Variants in DOCK2 observed in about 807,000 individuals in gnomAD.
DOCK2 encodes the protein dedicator of cytokinesis protein 2.
A neutral mutation model predicts 248.9 loss-of-function variants in DOCK2; 87 were observed. The ratio of observed to expected loss-of-function variants is 0.35; its 90% CI spans 0.29 to 0.42. The LOEUF (loss-of-function observed/expected upper bound fraction) is 0.42. Ranked by LOEUF, DOCK2 falls within the 10% of genes least tolerant of loss-of-function variation. The pLI, the probability that DOCK2 is intolerant of heterozygous loss-of-function variation, is 1.00. For synonymous variants in DOCK2, 805 were observed against 821.6 expected (o/e 0.98, Z 0.35); for missense variants, 1,747 against 2,300.2 (o/e 0.76, Z 4.92).
chr5:169,749,445 T>A (rs1763788253), intron 23 of DOCK2, among the ~76,000 whole-genome samples: 3 of 152,224 alleles, frequency 2.0e-5, no homozygotes, highest in African/African-American at 7.2e-5. Flanking sequence ...ATTCTGAGTG[T>A]TGAAAACACA....
chr5:169,718,275 A>T (rs74676845), intron 21 of DOCK2, among the ~76,000 whole-genome samples: 2,429 of 152,236 alleles, frequency 0.016, 55 homozygotes, highest in African/African-American at 0.053. Context: ...GAAACATAGA[A>T]AGTTCCTAAG....
chr5:169,935,295 G>A (rs1385787405), intron 27 of DOCK2, among the ~76,000 whole-genome samples: 2 of 151,950 alleles, frequency 1.3e-5, no homozygotes, highest in East Asian at 1.9e-4. Context: ...GCTTTAACTC[G>A]ACCAAAAAAA....
At chr5:169,851,806 A>G (rs775199052) in intron 27 of DOCK2, among the ~76,000 whole-genome samples, 11 of 152,042 alleles carry the variant, frequency 7.2e-5, no homozygotes, top group Admixed American at 3.9e-4. Flanking sequence ...CCTTTATAAA[A>G]CCATCAGATC....
intron 27 of DOCK2, among the ~76,000 whole-genome samples, chr5:169,919,589 A>G (rs953042298): frequency 2.0e-5 from 3 of 152,182 alleles, no homozygotes; most frequent in Admixed American, 2.0e-4. Context: ...AATGGTTTGA[A>G]GAAGTGGTAA....
intron 27 of DOCK2, among the ~76,000 whole-genome samples, chr5:169,964,764 C>G (rs538794003): frequency 7.2e-4 from 109 of 152,362 alleles, no homozygotes; most frequent in African/African-American, 2.5e-3. Context: ...TGCTTCTCCC[C>G]TCGGAGCAAA....
chr5:169,995,252 C>T (rs1282656649), intron 29 of DOCK2, among the ~76,000 whole-genome samples: 1 of 152,104 alleles, frequency 6.6e-6, no homozygotes, highest in African/African-American at 2.4e-5. Context: ...TGGTCTTGAA[C>T]TCCAGACCTC....
At chr5:170,073,802 T>A (rs1757754771) in intron 46 of DOCK2, among the ~76,000 whole-genome samples, 1 of 152,210 alleles carries the variant, frequency 6.6e-6, no homozygotes, top group Non-Finnish European at 1.5e-5. Flanking sequence ...TGTTTTTCAA[T>A]CCTAATATTG....
intron 36 of DOCK2, among the ~76,000 whole-genome samples, chr5:170,039,271 G>A (rs562924616): frequency 8.9e-4 from 135 of 152,272 alleles, no homozygotes; most frequent in African/African-American, 3.0e-3. Flanking sequence ...GTTATGCCAT[G>A]GGAACCTTTT....
chr5:169,652,411 A>C lies in DOCK2; in HGVS notation c.44-1992A>C, dbSNP rs544918899. ...CATCTGTCTGACTCCAGAGACAACT[A>C]GCTCTTAACTCCTAAGCTTTATCAT... On this transcript the variant is annotated intron_variant, in intron 1 of 51. Coordinates refer to ENST00000520908, the MANE Select transcript of DOCK2 (RefSeq NM_004946.3). 3.3e-5 allele frequency among the ~76,000 whole-genome samples: 5 copies of C among 152,354 alleles called. No homozygotes were observed. In the East Asian group the frequency reaches 7.7e-4, roughly 24 times the overall value.
chr5:170,076,672 C>T lies in DOCK2; in HGVS notation c.4866+588C>T, dbSNP rs111396521. On this transcript the variant is annotated intron_variant, in intron 47 of 51. Coordinates refer to ENST00000520908, the MANE Select transcript of DOCK2 (RefSeq NM_004946.3). ...GGTGTTATAAAATGTCAAGGCCATG[C>T]AATTCCTTTAAAACCATCTGGTCCA... Among the ~76,000 whole-genome samples, 114 of 152,314 alleles carry T rather than the reference C, an allele frequency of 7.5e-4. 1 individual carries two copies. The highest frequency in any genetic ancestry group is 2.6e-3 in the African/African-American group (107 of 41,572).
At chr5:169,687,398 C>T (rs2113386401) in intron 8 of DOCK2, among the ~76,000 whole-genome samples, 1 of 152,186 alleles carries the variant, frequency 6.6e-6, no homozygotes, top group East Asian at 1.9e-4. Flanking sequence ...CCATTGCCTG[C>T]TTGAACTCTG....
intron 26 of DOCK2, among the ~76,000 whole-genome samples, chr5:169,814,677 C>A (rs566252458): frequency 6.6e-6 from 1 of 152,030 alleles, no homozygotes; most frequent in Non-Finnish European, 1.5e-5. Context: ...AACATTATTT[C>A]AAAATTTAAA....
At position 170,082,867 on chromosome 5, in the gene DOCK2, T is replaced by G. The variant is rs768363024; in HGVS notation, c.*9T>G. The G allele has an allele frequency of 6.2e-7, 1 of 1,614,196 alleles. No homozygotes were observed. Among genetic ancestry groups the G allele is most frequent in the South Asian group, 1.1e-5 (1 of 91,090 alleles). On this transcript the variant is annotated 3_prime_UTR_variant, in exon 52 of 52. Coordinates refer to ENST00000520908, the MANE Select transcript of DOCK2 (RefSeq NM_004946.3). ...TGTCCACGGACCTGTGAGCTGCTGC[T>G]GACTAGGGCTGCATGGGAGAGCCAG...
chr5:170,008,451 C>T (rs763463342), intron 30 of DOCK2, 46 bp from the exon 31 acceptor site: 43 of 1,603,836 alleles, frequency 2.7e-5, no homozygotes, highest in South Asian at 5.5e-5. Flanking sequence ...TATGCCTTCC[C>T]GCTTCAGACC....
chr5:169,895,759 G>A (rs930870472), intron 27 of DOCK2, among the ~76,000 whole-genome samples: 1 of 152,126 alleles, frequency 6.6e-6, no homozygotes, highest in African/African-American at 2.4e-5. Flanking sequence ...TAAACTTGCT[G>A]AATGACCTAG....
intron 1 of DOCK2, among the ~76,000 whole-genome samples, chr5:169,652,047 A>G (rs1250497269): frequency 6.6e-6 from 1 of 152,248 alleles, no homozygotes; most frequent in African/African-American, 2.4e-5. Context: ...CATTAATTTC[A>G]GCTGAGCCTC....
intron 8 of DOCK2, 125 bp downstream of exon 8, chr5:169,684,475 T>C: frequency 7.8e-7 from 1 of 1,285,784 alleles, no homozygotes; most frequent in South Asian, 1.7e-5. Context: ...TGAGTGAGAA[T>C]GTGGAAATAA....
rs144134682 is a variant in DOCK2, at chr5:169,727,414, C to G, written c.2267+8623C>G. 4.6e-5 allele frequency among the ~76,000 whole-genome samples: 7 copies of G among 152,186 alleles called. No homozygotes were observed. The East Asian group carries it at 1.4e-3, about 29-fold the overall frequency. On this transcript the variant is annotated intron_variant, in intron 22 of 51. Transcript: ENST00000520908. Reference sequence around the variant, plus strand: ...TGAGGTTCTTGCTGTTGTGCTGTACCCACACACGAATGTCATGTTTGTGGA... The same window carrying G: ...TGAGGTTCTTGCTGTTGTGCTGTACGCACACACGAATGTCATGTTTGTGGA...
intron 33 of DOCK2, among the ~76,000 whole-genome samples, chr5:170,026,720 T>C (rs529587521): frequency 6.6e-6 from 1 of 152,286 alleles, no homozygotes; most frequent in South Asian, 2.1e-4. Context: ...GTGGGTGAAA[T>C]GCTTCTTAAC....
Sources: gnomAD v4.1 joint callset for allele counts (sites outside exome capture counted in the v4.1 genomes callset) on GRCh38, gnomAD v4.1.1 for gene constraint, MANE v1.5 for transcripts, NCBI Gene and HGNC (gene_info 2026-07-23, HGNC 2026-07-21) for gene names.